SHC3: variants seen among roughly 807,000 people sequenced by gnomAD.
SHC3 encodes SHC adaptor protein 3.
Under a neutral mutation model 60.4 loss-of-function variants are expected in SHC3, and 15 were observed. The ratio of observed to expected loss-of-function variants is 0.25; its 90% confidence interval spans 0.17 to 0.38. The LOEUF is 0.38. SHC3 is among the 10% of genes least tolerant of loss of function. SHC3 has a pLI of 1.00. For missense variants in SHC3, 677 were observed against 786.1 expected, an observed-to-expected ratio of 0.86 and a Z score of 1.66; for synonymous variants, 294 against 325.9, an observed-to-expected ratio of 0.90 and a Z score of 1.05.
chr9:89,150,863 C>T (rs1826535666), intron 1 of SHC3, among the ~76,000 whole-genome samples: 1 of 152,084 alleles, frequency 6.6e-6, no homozygotes, highest in South Asian at 2.1e-4. Flanking sequence ...TCAATTCCAC[C>T]AATAATTGTT....
intron 6 of SHC3, among the ~76,000 whole-genome samples, chr9:89,052,768 T>C (rs1824881985): frequency 6.6e-6 from 1 of 152,238 alleles, no homozygotes; most frequent in Non-Finnish European, 1.5e-5. Flanking sequence ...ACATGACACA[T>C]GCATCTACGT....
intron 11 of SHC3, among the ~76,000 whole-genome samples, chr9:89,035,675 G>A (rs1405090965): frequency 6.6e-6 from 1 of 151,786 alleles, no homozygotes. Flanking sequence ...GTTGAGCCTC[G>A]GCCAGGTGTG....
chr9:89,171,286 G>A (rs1826865733), intron 1 of SHC3, among the ~76,000 whole-genome samples: 1 of 151,874 alleles, frequency 6.6e-6, no homozygotes, highest in Admixed American at 6.6e-5. Flanking sequence ...GGTGGCAGTG[G>A]AAATTTTTAA....
At chr9:89,174,436 C>G (rs756100366) in intron 1 of SHC3, among the ~76,000 whole-genome samples, 15 of 152,152 alleles carry the variant, frequency 9.9e-5, no homozygotes, top group Non-Finnish European at 1.5e-4. Flanking sequence ...AGTAAATATA[C>G]AACACTCCAC....
chr9:89,142,673 C>CA (rs769333860), intron 1 of SHC3, among the ~76,000 whole-genome samples: 2,242 of 83,566 alleles, frequency 0.027, 31 homozygotes, highest in East Asian at 0.074. Flanking sequence ...GAGACTCTGT[C>CA]AAAAAAAAAA....
intron 1 of SHC3, among the ~76,000 whole-genome samples, chr9:89,133,136 T>G (rs2118173385): frequency 2.0e-5 from 3 of 152,326 alleles, no homozygotes; most frequent in Admixed American, 2.0e-4. Context: ...AAGACATTTA[T>G]GCAGTCAACA....
chr9:89,073,302 C>T (rs1025431986), intron 4 of SHC3, among the ~76,000 whole-genome samples: 11 of 152,180 alleles, frequency 7.2e-5, no homozygotes, highest in Admixed American at 1.3e-4. Flanking sequence ...TGTATGTTAT[C>T]TCTTTGGGTA....
chr9:89,150,098 T>G (rs530583151), intron 1 of SHC3, among the ~76,000 whole-genome samples: 2 of 152,300 alleles, frequency 1.3e-5, no homozygotes, highest in East Asian at 3.9e-4. Flanking sequence ...TCTGATGTAT[T>G]ATTAGTTATT....
chr9:89,100,189 A>AT (rs540681890), intron 2 of SHC3, among the ~76,000 whole-genome samples: 48 of 152,134 alleles, frequency 3.2e-4, no homozygotes, highest in African/African-American at 9.6e-4. Flanking sequence ...CAAGATGCAT[A>AT]TTTTTTTTCA....
At chr9:89,172,240 C>T (rs1826879483) in intron 1 of SHC3, among the ~76,000 whole-genome samples, 1 of 152,142 alleles carries the variant, frequency 6.6e-6, no homozygotes, top group Non-Finnish European at 1.5e-5. Context: ...TATTTATAAC[C>T]GTGACTGCTC....
chr9:89,104,461 A>T (rs1825827996), intron 2 of SHC3, among the ~76,000 whole-genome samples: 1 of 152,240 alleles, frequency 6.6e-6, no homozygotes, highest in Non-Finnish European at 1.5e-5. Flanking sequence ...CACTATTCTA[A>T]AAAATGAAAT....
At chr9:89,117,570 C>T (rs539173895) in intron 1 of SHC3, among the ~76,000 whole-genome samples, 2 of 152,070 alleles carry the variant, frequency 1.3e-5, no homozygotes, top group South Asian at 4.1e-4. Context: ...TTTTATCTGA[C>T]AAAAATTATT....
At chr9:89,060,304 A>G (rs1825064531) in intron 6 of SHC3, among the ~76,000 whole-genome samples, 1 of 147,688 alleles carries the variant, frequency 6.8e-6, no homozygotes, top group Admixed American at 6.7e-5. Flanking sequence ...GTGGTGTAGT[A>G]CGTGGTAGAG....
intron 1 of SHC3, among the ~76,000 whole-genome samples, chr9:89,171,398 A>C (rs1826867117): frequency 6.6e-6 from 1 of 152,236 alleles, no homozygotes; most frequent in Non-Finnish European, 1.5e-5. Context: ...CAGAGTAGAG[A>C]GCACTTCTGA....
At chr9:89,045,029 C>G (rs750683471) in intron 9 of SHC3, among the ~76,000 whole-genome samples, 1 of 152,106 alleles carries the variant, frequency 6.6e-6, no homozygotes, top group Non-Finnish European at 1.5e-5. Flanking sequence ...GGAAAGGCAA[C>G]AATTTGTTGT....
rs1824628471 is a variant in SHC3, at chr9:89,038,872, C to T, written c.1361-584G>A. Among the ~76,000 whole-genome samples, 4 of 152,240 alleles carry T rather than the reference C, an allele frequency of 2.6e-5. No homozygotes were observed. The South Asian group carries it at 8.3e-4, about 31-fold the overall frequency. ...GGCTAGGAGCTCCACCTTCCCTTAACCTTCACTTGTTTCCCTGTGGAACGA... is the reference window on the plus strand; with the variant it reads ...GGCTAGGAGCTCCACCTTCCCTTAATCTTCACTTGTTTCCCTGTGGAACGA... On this transcript the variant is annotated intron_variant, in intron 10 of 11. Coordinates refer to ENST00000375835, the MANE Select transcript of SHC3 (RefSeq NM_016848.6).
chr9:89,062,825 CT>C (rs1825113326), intron 6 of SHC3, among the ~76,000 whole-genome samples: 1 of 152,194 alleles, frequency 6.6e-6, no homozygotes, highest in Non-Finnish European at 1.5e-5. Context: ...AAATTAACCC[CT>C]GTACATGGCA....
chr9:89,132,234 A>G (rs1826257078), intron 1 of SHC3, among the ~76,000 whole-genome samples: 1 of 152,210 alleles, frequency 6.6e-6, no homozygotes, highest in Non-Finnish European at 1.5e-5. Context: ...GGAGAACTAC[A>G]AACCACTGCT....
In SHC3 at chr9:89,077,751, T is replaced by C; in HGVS notation, c.609+89A>G. On this transcript the variant is annotated intron_variant, in intron 3 of 11. Transcript: ENST00000375835. ...GCGCCGGGCCACAGAAAGAGGACAA[T>C]GAATAATTCTGTGTGACTGAAGATA... 3.4e-6 allele frequency: 5 copies of C among 1,457,832 alleles called. No homozygotes were observed. In the South Asian group the frequency reaches 5.8e-5, roughly 17 times the overall value. The allele number at this position is 1,457,832 out of a possible 1,614,324, so 90.3% of individuals were successfully genotyped here. A position where few individuals can be genotyped will look rare whatever the true frequency, so the allele number is the denominator to read the frequency against.
Sources: allele counts gnomAD v4.1 joint callset (sites outside exome capture counted in the v4.1 genomes callset), GRCh38; gene constraint gnomAD v4.1.1; transcripts MANE v1.5; gene names NCBI Gene and HGNC (gene_info 2026-07-23, HGNC 2026-07-21).